MEIS2: variants seen among roughly 807,000 people sequenced by gnomAD.
MEIS2 encodes the protein homeobox protein Meis2.
MEIS2 carries 9 observed loss-of-function variants against 58.6 expected under a neutral mutation model. The observed-to-expected ratio is 0.15, with a 90% CI of 0.09 to 0.27. The LOEUF (loss-of-function observed/expected upper bound fraction) is 0.27, where lower values mean the gene tolerates loss of function less well. Among genes scored for constraint, MEIS2 ranks in the 10% least tolerant of loss-of-function variants. MEIS2 has a pLI of 1.00. For synonymous variants in MEIS2, 221 were observed against 228.4 expected (o/e 0.97, Z 0.29); for missense variants, 427 against 635.0 (o/e 0.67, Z 3.52).
In MEIS2 at chr15:36,996,032, TAC is replaced by T. The variant is rs1205549790; in HGVS notation, c.900+40780_900+40781del. 4.1e-3 allele frequency among the ~76,000 whole-genome samples: 475 copies of T among 116,034 alleles called. 9 individuals carry two copies. Among genetic ancestry groups the T allele is most frequent in the African/African-American group, 0.012 (419 of 33,952 alleles). 76.1% of individuals were successfully genotyped at this position (116,034 alleles called of 152,430 possible). On this transcript the variant is annotated intron_variant, in intron 8 of 11. Coordinates refer to ENST00000561208, the MANE Select transcript of MEIS2 (RefSeq NM_170675.5). ...ATATATATACATATGTGTATATATA[TAC>T]ACACACACACACATATATATATACA...
intron 1 of MEIS2, 185 bp from the exon 2 acceptor site, chr15:37,098,384 GA>G (rs1894621956): frequency 9.3e-6 from 7 of 753,358 alleles, no homozygotes; most frequent in Middle Eastern, 5.1e-4. Flanking sequence ...GAGGGGGAGA[GA>G]GAGAGAGAGA....
At chr15:37,037,451 C>T (rs1041747324) in intron 7 of MEIS2, among the ~76,000 whole-genome samples, 1 of 152,042 alleles carries the variant, frequency 6.6e-6, no homozygotes, top group Non-Finnish European at 1.5e-5. Context: ...CCTAAGCACG[C>T]ACATTCGCAC....
At chr15:37,063,667 C>T (rs1263179153) in intron 7 of MEIS2, among the ~76,000 whole-genome samples, 1 of 152,144 alleles carries the variant, frequency 6.6e-6, no homozygotes, top group Non-Finnish European at 1.5e-5. Context: ...CTTGATCTAG[C>T]ACTTTTTTCT....
chr15:37,027,876 C>T (rs763309448), intron 8 of MEIS2, among the ~76,000 whole-genome samples: 8 of 152,056 alleles, frequency 5.3e-5, no homozygotes, highest in Non-Finnish European at 1.0e-4. Context: ...TATAGCCTCC[C>T]CATTATCAAC....
intron 9 of MEIS2, among the ~76,000 whole-genome samples, chr15:36,911,318 T>C (rs950905768): frequency 2.0e-5 from 3 of 152,002 alleles, no homozygotes; most frequent in African/African-American, 7.2e-5. Context: ...TATGCATACA[T>C]ATCACATATA....
intron 3 of MEIS2, 48 bp from the exon 4 acceptor site, chr15:37,095,662 A>G (rs370842172): frequency 8.1e-6 from 13 of 1,614,050 alleles, no homozygotes; most frequent in Admixed American, 1.7e-5. Flanking sequence ...ATTTAAAATA[A>G]GAAAGCTGAA....
chr15:37,018,196 C>A (rs1284452787), intron 8 of MEIS2, among the ~76,000 whole-genome samples: 1 of 152,138 alleles, frequency 6.6e-6, no homozygotes, highest in African/African-American at 2.4e-5. Flanking sequence ...TGAATATTTT[C>A]TTTATATGTG....
chr15:36,952,607 CTGTGTGTGTGTGTGTG>C (rs59061267), intron 8 of MEIS2, among the ~76,000 whole-genome samples: 21 of 139,994 alleles, frequency 1.5e-4, no homozygotes, highest in Admixed American at 7.1e-4. Flanking sequence ...GTCTCTCTCT[CTGTGTGTGTGTGTGTG>C]TGTGTGTGTG....
At chr15:36,936,383 G>C (rs2058175868) in intron 9 of MEIS2, among the ~76,000 whole-genome samples, 1 of 152,132 alleles carries the variant, frequency 6.6e-6, no homozygotes, top group Non-Finnish European at 1.5e-5. Context: ...TTTTAGTAGA[G>C]ATGGGGTTTC....
At chr15:36,898,939 T>C (rs570278963) in intron 9 of MEIS2, among the ~76,000 whole-genome samples, 3 of 152,356 alleles carry the variant, frequency 2.0e-5, no homozygotes, top group East Asian at 1.9e-4. Context: ...CTAGTTACCA[T>C]GGCATGGACT....
chr15:36,892,265 G>A lies in MEIS2; in HGVS notation c.1342C>T (p.Pro448Ser). ...CTCTGTGCTGACATAGTCATTCCAG[G>A]GTGGGTAGGGGGTCCTCCGTGCATC... ...MMMHGGPPTH[P>S]GMTMSAQSPT... The change falls in exon 12 of 12, where the codon CCT becomes TCT. Residue 448 changes from proline (P) to serine (S), a missense_variant. Transcript: ENST00000561208. 1 of 1,614,096 alleles carries A rather than the reference G, an allele frequency of 6.2e-7. No individual in the cohort carries two copies. Among genetic ancestry groups the A allele is most frequent in the Non-Finnish European group, 8.5e-7 (1 of 1,180,016 alleles).
intron 9 of MEIS2, among the ~76,000 whole-genome samples, chr15:36,932,394 A>G (rs2058015850): frequency 6.6e-6 from 1 of 152,224 alleles, no homozygotes; most frequent in Non-Finnish European, 1.5e-5. Context: ...GGTATTGCTC[A>G]TAATTTTATG....
chr15:36,950,598 C>T (rs561637451), intron 8 of MEIS2, among the ~76,000 whole-genome samples, 198 bp from the exon 9 acceptor site: 1 of 152,208 alleles, frequency 6.6e-6, no homozygotes, highest in Non-Finnish European at 1.5e-5. Context: ...ATGTTTCTGT[C>T]ATACTCTGTA....
intron 9 of MEIS2, among the ~76,000 whole-genome samples, chr15:36,906,187 G>T (rs1020943205): frequency 6.6e-6 from 1 of 152,170 alleles, no homozygotes; most frequent in Non-Finnish European, 1.5e-5. Context: ...ATCTGGTAGA[G>T]GTTCTTGAGT....
chr15:37,051,611 A>T (rs2062922168), intron 7 of MEIS2, among the ~76,000 whole-genome samples: 1 of 152,224 alleles, frequency 6.6e-6, no homozygotes, highest in South Asian at 2.1e-4. Flanking sequence ...CAATTTTTGT[A>T]TGTAAATTAT....
Position 37,023,512 on chromosome 15 carries a change from G to A in MEIS2, c.900+13302C>T, listed in dbSNP as rs571068727. On this transcript the variant is annotated intron_variant, in intron 8 of 11. Transcript: ENST00000561208. The stretch of plus-strand genomic sequence containing the variant: ...ACATGAACTGTAGGATTATTTTTCT[G>A]TCCCAGGAAAGATTATCTCATTGGA... 3.3e-5 allele frequency among the ~76,000 whole-genome samples: 5 copies of A among 152,144 alleles called. No homozygotes were observed. The South Asian group carries it at 8.3e-4, about 25-fold the overall frequency.
In MEIS2 at chr15:37,093,719, C is replaced by T. The variant is rs932068780; in HGVS notation, c.501G>A (p.Leu167=). Residue 167 remains leucine, a synonymous_variant, in exon 6 of 12, where the codon CTG becomes CTA. Transcript: ENST00000561208. ...TGTATCGGTGGCAGAAGTTATCGCA[C>T]AGTTCGTGGACCTAGAACGAAGGTC... ...HLLELEKVHE[L]CDNFCHRYIS... 6.2e-7 allele frequency: 1 copy of T among 1,614,016 alleles called. No individual in the cohort carries two copies. Among genetic ancestry groups the T allele is most frequent in the African/African-American group, 1.3e-5 (1 of 74,888 alleles).
At chr15:37,012,312 C>T (rs2061192408) in intron 8 of MEIS2, among the ~76,000 whole-genome samples, 1 of 152,208 alleles carries the variant, frequency 6.6e-6, no homozygotes, top group African/African-American at 2.4e-5. Flanking sequence ...CTCCTTGTTC[C>T]TCAGTCCTTT....
chr15:37,041,098 C>T (rs935778786), intron 7 of MEIS2, among the ~76,000 whole-genome samples: 3 of 152,184 alleles, frequency 2.0e-5, no homozygotes, highest in African/African-American at 4.8e-5. Flanking sequence ...TGTGGGAAAG[C>T]CATGGTGTTC....
Sources: allele counts gnomAD v4.1 joint callset (sites outside exome capture counted in the v4.1 genomes callset), GRCh38; gene constraint gnomAD v4.1.1; transcripts MANE v1.5; gene names NCBI Gene and HGNC (gene_info 2026-07-23, HGNC 2026-07-21).